Variants in MFHAS1 observed in about 807,000 individuals in gnomAD.
MFHAS1 encodes malignant fibrous histiocytoma-amplified sequence 1.
Under a neutral mutation model 70.4 loss-of-function variants are expected in MFHAS1, and 50 were observed. The ratio of observed to expected loss-of-function variants is 0.71; its 90% CI spans 0.57 to 0.90. The LOEUF is 0.90. MFHAS1 is among the 40% of genes least tolerant of loss of function. MFHAS1 has a pLI of 0.00. For missense variants in MFHAS1, 1,795 were observed against 1,347.6 expected (o/e 1.33, Z -5.20); for synonymous variants, 952 against 620.0 (o/e 1.54, Z -7.96).
chr8:8,822,377 C>T (rs1806988985), intron 1 of MFHAS1, among the ~76,000 whole-genome samples: 1 of 151,950 alleles, frequency 6.6e-6, no homozygotes, highest in Admixed American at 6.6e-5. Context: ...ATGCCTGATG[C>T]AGAGGGACAG....
chr8:8,795,112 G>A (rs576639683), intron 2 of MFHAS1, among the ~76,000 whole-genome samples: 5 of 152,158 alleles, frequency 3.3e-5, no homozygotes, highest in Admixed American at 2.0e-4. Flanking sequence ...GAAAGTTTAC[G>A]CCAATGCAAA....
At chr8:8,880,975 C>T (rs1253151778) in intron 1 of MFHAS1, among the ~76,000 whole-genome samples, 15 of 152,090 alleles carry the variant, frequency 9.9e-5, no homozygotes, top group African/African-American at 3.1e-4. Flanking sequence ...TGAGCCATCA[C>T]GCCTGACCCA....
In MFHAS1 at chr8:8,891,533, G is replaced by C. The variant is rs747787696; in HGVS notation, c.1526C>G (p.Pro509Arg). Residue 509 changes from proline (P) to arginine (R), a missense_variant, in exon 1 of 3, where the codon CCT becomes CGT. Physicochemically the swap from Pro to Arg is moderately radical, Grantham distance 103. Transcript: ENST00000276282. The surrounding 1 kb of genome is among the most constrained non-coding windows in gnomAD (Gnocchi z 5.4). ...VLVVNLATYEPRHFPTTVGSF... is the reference protein window; with the variant it reads ...VLVVNLATYERRHFPTTVGSF... ...GCCCACGGTGGTAGGAAAGTGGCGA[G>C]GCTCATAGGTGGCCAAGTTGACCAC... 6.2e-6 allele frequency: 10 copies of C among 1,613,094 alleles called. No individual in the cohort carries two copies. The South Asian group carries it at 1.1e-4, about 18-fold the overall frequency.
At chr8:8,863,625 C>T (rs1406011576) in intron 1 of MFHAS1, among the ~76,000 whole-genome samples, 1 of 152,208 alleles carries the variant, frequency 6.6e-6, no homozygotes, top group African/African-American at 2.4e-5. Flanking sequence ...TCTGTTTTGA[C>T]CATCTGATTC....
At chr8:8,868,625 G>A (rs915885045) in intron 1 of MFHAS1, among the ~76,000 whole-genome samples, 5 of 152,126 alleles carry the variant, frequency 3.3e-5, no homozygotes, top group South Asian at 2.1e-4. Context: ...AGATGAGGCC[G>A]CTCACAAACC....
intron 1 of MFHAS1, among the ~76,000 whole-genome samples, chr8:8,865,217 C>A (rs1808811536): frequency 7.7e-6 from 1 of 129,418 alleles, no homozygotes; most frequent in African/African-American, 3.0e-5. Flanking sequence ...CTGGAGGTTG[C>A]AGTAAGCCAA....
chr8:8,831,556 A>G (rs561728013), intron 1 of MFHAS1, among the ~76,000 whole-genome samples: 93 of 152,260 alleles, frequency 6.1e-4, no homozygotes, highest in Non-Finnish European at 9.7e-4. Flanking sequence ...TAATGTGAAC[A>G]GACATATAGA....
intron 1 of MFHAS1, among the ~76,000 whole-genome samples, chr8:8,869,708 G>T (rs1474936796): frequency 2.0e-5 from 3 of 152,124 alleles, no homozygotes; most frequent in African/African-American, 7.2e-5. Flanking sequence ...AAAACATGCT[G>T]CAGTCTTCTT....
At chr8:8,810,049 G>T (rs1323701048) in intron 1 of MFHAS1, among the ~76,000 whole-genome samples, 1 of 152,196 alleles carries the variant, frequency 6.6e-6, no homozygotes, top group Admixed American at 6.5e-5. Context: ...GTACTAAGGG[G>T]AATCATGTGA....
intron 1 of MFHAS1, among the ~76,000 whole-genome samples, chr8:8,886,583 T>TA (rs1175339054): frequency 5.3e-5 from 8 of 152,198 alleles, no homozygotes; most frequent in Non-Finnish European, 7.3e-5. Flanking sequence ...AAGGCCAAAA[T>TA]AGGCTTTTCA....
chr8:8,809,557 C>A (rs558223443), intron 1 of MFHAS1, among the ~76,000 whole-genome samples: 1 of 152,206 alleles, frequency 6.6e-6, no homozygotes, highest in Non-Finnish European at 1.5e-5. Context: ...CCTGCAGACG[C>A]GTGTGCCACT....
At chr8:8,827,594 C>A (rs1478587495) in intron 1 of MFHAS1, among the ~76,000 whole-genome samples, 1 of 152,224 alleles carries the variant, frequency 6.6e-6, no homozygotes, top group Admixed American at 6.5e-5. Context: ...CTATTGACTT[C>A]TAAGACTTCT....
At chr8:8,867,040 G>C (rs1192268865) in intron 1 of MFHAS1, among the ~76,000 whole-genome samples, 1 of 152,154 alleles carries the variant, frequency 6.6e-6, no homozygotes, top group Non-Finnish European at 1.5e-5. Context: ...AGATGGGTTG[G>C]TATGATCTAT....
intron 1 of MFHAS1, among the ~76,000 whole-genome samples, chr8:8,871,451 G>A (rs1001467020): frequency 1.3e-5 from 2 of 152,148 alleles, no homozygotes; most frequent in Non-Finnish European, 2.9e-5. Context: ...TCATGACAAT[G>A]AGGCACAAGA....
intron 1 of MFHAS1, among the ~76,000 whole-genome samples, chr8:8,811,825 G>C (rs758826806): frequency 2.0e-5 from 3 of 152,216 alleles, no homozygotes; most frequent in Non-Finnish European, 4.4e-5. Context: ...GTGCCCTCAA[G>C]CGTGTGGTTC....
intron 2 of MFHAS1, among the ~76,000 whole-genome samples, chr8:8,791,037 A>G (rs1316388179): frequency 6.6e-6 from 1 of 152,164 alleles, no homozygotes; most frequent in Non-Finnish European, 1.5e-5. Context: ...TCGAAATGCA[A>G]TAACTCAGCC....
At chr8:8,854,134 C>T (rs1465821303) in intron 1 of MFHAS1, among the ~76,000 whole-genome samples, 1 of 152,174 alleles carries the variant, frequency 6.6e-6, no homozygotes, top group Non-Finnish European at 1.5e-5. Flanking sequence ...TGGTGGCTCA[C>T]AGCTGTAATC....
chr8:8,846,269 GGGGAAGGA>G (rs1158035001), intron 1 of MFHAS1, among the ~76,000 whole-genome samples: 18 of 96,960 alleles, frequency 1.9e-4, no homozygotes, highest in Non-Finnish European at 3.8e-4. Context: ...AAAGGGGGGG[GGGGAAGGA>G]GGAGGAGGGG....
chr8:8,877,557 T>A (rs1400175368), intron 1 of MFHAS1, among the ~76,000 whole-genome samples: 1 of 152,206 alleles, frequency 6.6e-6, no homozygotes, highest in Non-Finnish European at 1.5e-5. Context: ...TGCGGCTCTC[T>A]GGCTGATGTT....
Sources: gnomAD v4.1 joint callset for allele counts (sites outside exome capture counted in the v4.1 genomes callset) on GRCh38, gnomAD v4.1.1 for gene constraint, Gnocchi (gnomAD v3.1) non-coding constraint, MANE v1.5 for transcripts, NCBI Gene and HGNC (gene_info 2026-07-23, HGNC 2026-07-21) for gene names.